The following LINS1 variants were observed in gnomAD, a reference collection of about 807,000 sequenced individuals.
The protein encoded by LINS1 is lines homolog 1.
In LINS1, 27 loss-of-function variants were observed where a neutral mutation model predicts 41.6. That is an observed-to-expected ratio of 0.65 (90% CI 0.48 to 0.89). The LOEUF is 0.89. LINS1 is among the 40% of genes least tolerant of loss of function. The pLI is 0.00. For synonymous variants in LINS1, 336 were observed against 312.9 expected, an observed-to-expected ratio of 1.07 and a Z score of -0.78; for missense variants, 955 against 884.1, an observed-to-expected ratio of 1.08 and a Z score of -1.02.
intron 1 of LINS1, among the ~76,000 whole-genome samples, chr15:100,591,805 G>A (rs1391757177): frequency 2.6e-5 from 4 of 152,132 alleles, no homozygotes; most frequent in African/African-American, 4.8e-5. Flanking sequence ...AGAGAGGGGC[G>A]AGAGTTCCAT....
chr15:100,569,029 CAGG>C lies in LINS1; in HGVS notation c.*206_*208del, dbSNP rs1438758994. On this transcript the variant is annotated 3_prime_UTR_variant, in exon 7 of 7. Transcript: ENST00000314742. ...ATTCCAGCTACTCGGGAGACTGAGG[CAGG>C]AGAATTGCTTGAACCCAGGAGGTGG... 2.4e-6 allele frequency: 1 copy of C among 417,730 alleles called. No homozygotes were observed. The highest frequency in any genetic ancestry group is 4.0e-5 in the Admixed American group (1 of 25,060). The allele number at this position is 417,730 out of a possible 1,614,324, so 25.9% of individuals were successfully genotyped here. A position where few individuals can be genotyped will look rare whatever the true frequency, so the allele number is the denominator to read the frequency against.
chr15:100,572,436 G>T, intron 5 of LINS1: 1 of 1,055,418 alleles, frequency 9.5e-7, no homozygotes, highest in Non-Finnish European at 1.1e-6. Flanking sequence ...GTCCAAGAAT[G>T]CAACCAAGCA....
At position 100,573,687 on chromosome 15, in the gene LINS1, T is replaced by C. The variant is rs773371335; in HGVS notation, c.1186A>G (p.Lys396Glu). The change falls in exon 5 of 7, where the codon AAG (lysine) becomes GAG (glutamate). Residue 396 changes from lysine (K) to glutamate (E), a missense_variant. Physicochemically the swap from Lys to Glu is moderately conservative, Grantham distance 56. Coordinates refer to ENST00000314742, the MANE Select transcript of LINS1 (RefSeq NM_001040616.3). ...CTTGCTGAAGAATAATTTTGAAACTTGATTTCTAAGGATTTCATTATAACT... is the reference window on the plus strand; with the variant it reads ...CTTGCTGAAGAATAATTTTGAAACTCGATTTCTAAGGATTTCATTATAACT... ...SLVIMKSLEIKFQNYSSASEV... is the reference protein window; with the variant it reads ...SLVIMKSLEIEFQNYSSASEV... 6.8e-6 allele frequency: 11 copies of C among 1,610,146 alleles called. No homozygotes were observed. The highest frequency in any genetic ancestry group is 6.7e-5 in the East Asian group (3 of 44,884).
At chr15:100,598,395 T>C (rs1480167435) in intron 1 of LINS1, among the ~76,000 whole-genome samples, 2 of 152,226 alleles carry the variant, frequency 1.3e-5, no homozygotes, top group African/African-American at 2.4e-5. Context: ...AAGTTGTGAA[T>C]TTTAAATTAT....
Position 100,580,519 on chromosome 15 carries a change from G to A in LINS1, c.324C>T (p.Thr108=), listed in dbSNP as rs777116466. 10 of 1,613,952 alleles carry A rather than the reference G, an allele frequency of 6.2e-6. No homozygotes were observed. Among genetic ancestry groups the A allele is most frequent in the South Asian group, 1.1e-5 (1 of 91,072 alleles). Reference sequence around the variant, plus strand: ...TGTACTGCTCCTTTGCATGGAACTCGGTTTTGACAGACAATATCCGGGTTG... The same window carrying A: ...TGTACTGCTCCTTTGCATGGAACTCAGTTTTGACAGACAATATCCGGGTTG... ...VMTTRILSVK[T]EFHAKEQYRD... The change falls in exon 2 of 7, where the codon ACC becomes ACT. Residue 108 remains threonine, a synonymous_variant. Coordinates refer to ENST00000314742, the MANE Select transcript of LINS1 (RefSeq NM_001040616.3).
chr15:100,580,749 G>C lies in LINS1; in HGVS notation c.94C>G (p.Leu32Val), dbSNP rs1280260303. The C allele has an allele frequency of 5.6e-6, 9 of 1,610,044 alleles. No individual in the cohort carries two copies. ...TCTTGATCTGAAACTGCTGGGTTGAGATAAAAGATGTAATCATGGCTGTCA... is the reference window on the plus strand; with the variant it reads ...TCTTGATCTGAAACTGCTGGGTTGACATAAAAGATGTAATCATGGCTGTCA... The part of the protein sequence containing the change: ...ENDSHDYIFY[L>V]NPAVSDQDCS... Residue 32 changes from leucine to valine, a missense_variant, in exon 2 of 7, where the codon CTC becomes GTC. By Grantham distance (32) the Leu-to-Val change is conservative. Transcript: ENST00000314742.
chr15:100,580,382 A>AT, intron 2 of LINS1, 30 bp from the exon 3 acceptor site: 1 of 1,603,302 alleles, frequency 6.2e-7, no homozygotes, highest in South Asian at 1.1e-5. Flanking sequence ...ATTAACCACT[A>AT]TTGCTGAATG....
chr15:100,574,334 T>C, intron 4 of LINS1, 93 bp from the exon 5 acceptor site: 1 of 854,314 alleles, frequency 1.2e-6, no homozygotes, highest in Non-Finnish European at 1.9e-6. Flanking sequence ...CTTTTTAAGA[T>C]GAAAAAACAG....
At chr15:100,578,260 T>C (rs1267702794) in intron 3 of LINS1, among the ~76,000 whole-genome samples, 1 of 151,958 alleles carries the variant, frequency 6.6e-6, no homozygotes, top group Non-Finnish European at 1.5e-5. Context: ...GGAGAAAATT[T>C]TTGCAATCTA....
In LINS1 at chr15:100,577,995, C is replaced by T. The variant is rs188592132; in HGVS notation, c.489+2268G>A. ...TATGTAGAAAGCTGAAACTGGATCT[C>T]TTCCTTATACCTTATACAAAAATTA... On this transcript the variant is annotated intron_variant, in intron 3 of 6. Coordinates refer to ENST00000314742, the MANE Select transcript of LINS1 (RefSeq NM_001040616.3). Among the ~76,000 whole-genome samples the T allele has an allele frequency of 9.5e-3, 1,449 of 152,298 alleles. 9 individuals carry two copies. The highest frequency in any genetic ancestry group is 0.015 in the Non-Finnish European group (990 of 68,018).
chr15:100,583,079 C>T (rs552423886), intron 1 of LINS1, among the ~76,000 whole-genome samples: 1 of 152,064 alleles, frequency 6.6e-6, no homozygotes, highest in Admixed American at 6.5e-5. Context: ...CTTCCGTCTA[C>T]ACTATGGCCT....
At chr15:100,600,966 C>T (rs1364436629) in intron 1 of LINS1, among the ~76,000 whole-genome samples, 5 of 152,148 alleles carry the variant, frequency 3.3e-5, no homozygotes, top group African/African-American at 1.2e-4. Flanking sequence ...CTATGCCCCA[C>T]TCCCCAGTCT....
intron 3 of LINS1, among the ~76,000 whole-genome samples, chr15:100,577,671 T>G (rs913475628): frequency 2.0e-5 from 3 of 152,126 alleles, no homozygotes; most frequent in African/African-American, 7.2e-5. Context: ...TGGAAAAAAC[T>G]ACTTTAAAGT....
intron 1 of LINS1, chr15:100,596,872 A>C (rs919275928): frequency 6.6e-6 from 1 of 152,204 alleles, no homozygotes; most frequent in Non-Finnish European, 1.5e-5. Flanking sequence ...ATTACCATAA[A>C]ACTTCCCTGG....
chr15:100,592,418 A>G (rs573955242), intron 1 of LINS1, among the ~76,000 whole-genome samples: 2 of 152,146 alleles, frequency 1.3e-5, no homozygotes, highest in Non-Finnish European at 2.9e-5. Context: ...TGATAGACTC[A>G]ACCTTGAGTC....
In LINS1 at chr15:100,587,376, T is replaced by C. The variant is rs28821533; in HGVS notation, c.-103-6431A>G. On this transcript the variant is annotated intron_variant, in intron 1 of 6. Transcript: ENST00000314742. ...TGATTGCACAGGATGTATAATGATATTGGTGAACTTAAGGAAACTGAATTG... is the reference window on the plus strand; with the variant it reads ...TGATTGCACAGGATGTATAATGATACTGGTGAACTTAAGGAAACTGAATTG... 3.1e-3 allele frequency among the ~76,000 whole-genome samples: 476 copies of C among 152,180 alleles called. 1 individual carries two copies. The highest frequency in any genetic ancestry group is 0.011 in the African/African-American group (445 of 41,506).
At chr15:100,600,593 T>A (rs2039446950) in intron 1 of LINS1, among the ~76,000 whole-genome samples, 1 of 101,356 alleles carries the variant, frequency 9.9e-6, no homozygotes, top group Non-Finnish European at 2.0e-5. Flanking sequence ...CATGGTAGAA[T>A]CGAAAGACCG....
chr15:100,601,998 C>G (rs1201513221), intron 1 of LINS1, 123 bp downstream of exon 1: 1 of 152,188 alleles, frequency 6.6e-6, no homozygotes, highest in Non-Finnish European at 1.5e-5. Context: ...AGAAACAAGG[C>G]ACCCCTCTAC....
chr15:100,578,991 C>A (rs573485852), intron 3 of LINS1, among the ~76,000 whole-genome samples: 1 of 151,866 alleles, frequency 6.6e-6, no homozygotes, highest in African/African-American at 2.4e-5. Context: ...CACTTGAACA[C>A]AGGAAGGGGA....
Sources: gnomAD v4.1 joint callset for allele counts (sites outside exome capture counted in the v4.1 genomes callset) on GRCh38, gnomAD v4.1.1 for gene constraint, MANE v1.5 for transcripts, NCBI Gene and HGNC (gene_info 2026-07-23, HGNC 2026-07-21) for gene names.